The following UBE2V1 variants were observed in gnomAD, a reference collection of about 807,000 sequenced individuals.
UBE2V1 encodes the protein ubiquitin-conjugating enzyme E2 variant 1.
A neutral mutation model predicts 19.6 loss-of-function variants in UBE2V1; 15 were observed. The observed-to-expected ratio is 0.77, with a 90% CI of 0.51 to 1.18. UBE2V1 has a LOEUF of 1.18. Ranked by LOEUF, UBE2V1 falls within the 50% of genes most tolerant of loss-of-function variation. The pLI is 0.00. For missense variants in UBE2V1, 125 were observed against 184.8 expected, an observed-to-expected ratio of 0.68 and a Z score of 1.88; for synonymous variants, 60 against 60.7, an observed-to-expected ratio of 0.99 and a Z score of 0.05.
chr20:50,112,909 C>T (rs1004123264), intron 1 of UBE2V1, among the ~76,000 whole-genome samples, 198 bp downstream of exon 1: 4 of 152,168 alleles, frequency 2.6e-5, no homozygotes, highest in Non-Finnish European at 5.9e-5. Context: ...GCCCACAGGC[C>T]CCTCAGCCCC....
rs57532245 is a variant in UBE2V1 at position 50,106,874 on chromosome 20, CA to C, written c.22+6232del. On this transcript the variant is annotated intron_variant, in intron 1 of 3. Coordinates refer to ENST00000371674, the MANE Select transcript of UBE2V1 (RefSeq NM_001032288.3). The stretch of plus-strand genomic sequence containing the variant: ...ACAACAACAACAACAACAACAACAA[CA>C]AAAAAAAAAAAACAAAAAAAAGGTA... 2.1e-3 allele frequency among the ~76,000 whole-genome samples: 262 copies of C among 124,682 alleles called. 1 individual carries two copies. The highest frequency in any genetic ancestry group is 5.4e-3 in the African/African-American group (172 of 31,664). The allele number at this position is 124,682 out of a possible 152,430, so 81.8% of individuals were successfully genotyped here.
At chr20:50,102,434 A>C (rs2080063081) in intron 1 of UBE2V1, among the ~76,000 whole-genome samples, 1 of 152,196 alleles carries the variant, frequency 6.6e-6, no homozygotes, top group Admixed American at 6.5e-5. Context: ...ACTCTCACCA[A>C]TGATCTTGGG....
intron 2 of UBE2V1, among the ~76,000 whole-genome samples, chr20:50,090,489 A>AG (rs949669650): frequency 1.3e-5 from 2 of 151,924 alleles, no homozygotes; most frequent in Non-Finnish European, 2.9e-5. Flanking sequence ...AAAAAAAAAA[A>AG]AGAAATCTTG....
chr20:50,088,972 C>T (rs1028763775), intron 2 of UBE2V1, among the ~76,000 whole-genome samples: 1 of 152,046 alleles, frequency 6.6e-6, no homozygotes, highest in African/African-American at 2.4e-5. Context: ...TGGGTACATG[C>T]TATGTTAGAA....
At chr20:50,112,736 G>C (rs1019559406) in intron 1 of UBE2V1, among the ~76,000 whole-genome samples, 3 of 152,182 alleles carry the variant, frequency 2.0e-5, no homozygotes. Context: ...TCCATCCGCT[G>C]TGGGGCGCCT....
Position 50,081,346 on chromosome 20 carries a change from T to TAAAAAAAAAA in UBE2V1, c.*1412_*1421dup, listed in dbSNP as rs74435910. The stretch of plus-strand genomic sequence containing the variant: ...AGGTGGTTTTACACAAATACTAAAT[T>TAAAAAAAAAA]AAAAAAAAAAAAAAAACCTTTAGTA... On this transcript the variant is annotated 3_prime_UTR_variant, in exon 4 of 4. Transcript: ENST00000371674. The TAAAAAAAAAA allele has an allele frequency of 7.3e-6, 1 of 136,614 alleles. No homozygotes were observed. The allele number at this position is 136,614 out of a possible 1,614,324, so 8.5% of individuals were successfully genotyped here. A position where few individuals can be genotyped will look rare whatever the true frequency, so the allele number is the denominator to read the frequency against.
At chr20:50,084,387 G>T in intron 2 of UBE2V1, 133 bp from the exon 3 acceptor site, 1 of 1,542,592 alleles carries the variant, frequency 6.5e-7, no homozygotes, top group Non-Finnish European at 8.9e-7. Flanking sequence ...TACTTGTTCT[G>T]TGGTAGGTCA....
upstream of UBE2V1, among the ~76,000 whole-genome samples, chr20:50,115,221 C>G (rs1048399101): frequency 1.3e-5 from 2 of 152,206 alleles, no homozygotes; most frequent in Admixed American, 6.5e-5. Context: ...AGGGGCTTTG[C>G]CTGTGCTGTT....
Position 50,110,847 on chromosome 20 carries a change from C to T in UBE2V1, c.22+2260G>A, listed in dbSNP as rs572871600. The stretch of plus-strand genomic sequence containing the variant: ...TTTCAACATGCCAAGCAGAGTCCCA[C>T]CACAGGGCCTTTGCACTAACAGCCC... On this transcript the variant is annotated intron_variant, in intron 1 of 3. Coordinates refer to ENST00000371674, the MANE Select transcript of UBE2V1 (RefSeq NM_001032288.3). 1.9e-3 allele frequency among the ~76,000 whole-genome samples: 285 copies of T among 152,286 alleles called. 3 individuals are homozygous for T. Among genetic ancestry groups the T allele is most frequent in the African/African-American group, 6.6e-3 (276 of 41,560 alleles).
rs1399513469 is a variant in UBE2V1, at chr20:50,081,358, A to G, written c.*1410T>C. ...ACAAATACTAAATTAAAAAAAAAAA[A>G]AAAACCTTTAGTACACAATGAATTG... On this transcript the variant is annotated 3_prime_UTR_variant, in exon 4 of 4. Coordinates refer to ENST00000371674, the MANE Select transcript of UBE2V1 (RefSeq NM_001032288.3). The G allele has an allele frequency of 6.6e-6, 1 of 152,466 alleles. No individual in the cohort carries two copies. The highest frequency in any genetic ancestry group is 1.5e-5 in the Non-Finnish European group (1 of 67,996). 9.4% of individuals were successfully genotyped at this position (152,466 alleles called of 1,614,324 possible).
At chr20:50,109,394 T>C (rs1034495389) in intron 1 of UBE2V1, among the ~76,000 whole-genome samples, 1 of 152,018 alleles carries the variant, frequency 6.6e-6, no homozygotes, top group Admixed American at 6.6e-5. Context: ...AGAGTGGTTT[T>C]CAGTTAACAT....
intron 1 of UBE2V1, among the ~76,000 whole-genome samples, chr20:50,105,872 G>C (rs1265957550): frequency 2.0e-5 from 3 of 152,114 alleles, no homozygotes; most frequent in African/African-American, 4.8e-5. Context: ...GGAGGTTTCA[G>C]TGAGCTGCGA....
chr20:50,085,777 A>G (rs1360168780), intron 2 of UBE2V1, among the ~76,000 whole-genome samples: 2 of 152,058 alleles, frequency 1.3e-5, no homozygotes, highest in Non-Finnish European at 2.9e-5. Flanking sequence ...GTGAATTTCT[A>G]CCTACCCTCA....
intron 1 of UBE2V1, among the ~76,000 whole-genome samples, chr20:50,111,046 G>C (rs562732461): frequency 2.4e-4 from 37 of 152,242 alleles, no homozygotes; most frequent in African/African-American, 8.2e-4. Context: ...TTCTCTCCCT[G>C]ACTTGAATGG....
At chr20:50,099,205 T>C (rs2079829477) in intron 1 of UBE2V1, among the ~76,000 whole-genome samples, 1 of 87,910 alleles carries the variant, frequency 1.1e-5, no homozygotes, top group Admixed American at 1.0e-4. Context: ...GATCGTGCTA[T>C]GGGCTGGGCT....
chr20:50,099,955 G>C (rs2079878832), intron 1 of UBE2V1, among the ~76,000 whole-genome samples: 1 of 152,092 alleles, frequency 6.6e-6, no homozygotes. Context: ...AGAATTAGCT[G>C]GGCATGGTGG....
chr20:50,087,161 C>T (rs924436089), intron 2 of UBE2V1, among the ~76,000 whole-genome samples: 7 of 151,844 alleles, frequency 4.6e-5, no homozygotes, highest in Non-Finnish European at 1.0e-4. Context: ...CTGGGGGGGC[C>T]GAGGTGGGTG....
At chr20:50,091,945 C>T (rs1258785096) in intron 2 of UBE2V1, among the ~76,000 whole-genome samples, 1 of 152,168 alleles carries the variant, frequency 6.6e-6, no homozygotes, top group Non-Finnish European at 1.5e-5. Flanking sequence ...ACTTCCTACA[C>T]CCCTGTAATT....
At chr20:50,115,496 A>C (rs1569034512), upstream of UBE2V1, 1 of 1,580,828 alleles carries the variant, frequency 6.3e-7, no homozygotes, top group Admixed American at 1.7e-5. Context: ...TTTGCAGTGA[A>C]ATTTTCTAGG....
Sources: gnomAD v4.1 joint callset for allele counts (sites outside exome capture counted in the v4.1 genomes callset) on GRCh38, gnomAD v4.1.1 for gene constraint, MANE v1.5 for transcripts, NCBI Gene and HGNC (gene_info 2026-07-23, HGNC 2026-07-21) for gene names.